Variants in CYP2E1 observed in about 807,000 individuals in gnomAD.
The protein encoded by CYP2E1 is cytochrome P450 family 2 subfamily E member 1, also known as cytochrome P450 2E1.
A neutral mutation model predicts 42.9 loss-of-function variants in CYP2E1; 31 were observed. That is an observed-to-expected ratio of 0.72 (90% CI 0.54 to 0.98). The LOEUF (loss-of-function observed/expected upper bound fraction) is 0.98, where lower values mean the gene tolerates loss of function less well. Among genes scored for constraint, CYP2E1 ranks in the 50% least tolerant of loss-of-function variants. CYP2E1 has a pLI of 0.00. For synonymous variants in CYP2E1, 244 were observed against 248.9 expected, an observed-to-expected ratio of 0.98 and a Z score of 0.19; for missense variants, 565 against 633.2, an observed-to-expected ratio of 0.89 and a Z score of 1.16.
At chr10:133,528,411 G>A in intron 1 of CYP2E1, 70 bp from the exon 2 acceptor site, 8 of 1,568,146 alleles carry the variant, frequency 5.1e-6, no homozygotes, top group South Asian at 1.1e-5. Context: ...CGCCCGGCAG[G>A]GGTGTGGCTT....
Position 133,537,810 on chromosome 10 carries a change from TC to T in CYP2E1, c.1217del (p.Pro406GlnfsTer10). The T allele has an allele frequency of 3.1e-6, 5 of 1,613,778 alleles. No individual in the cohort carries two copies. The highest frequency in any genetic ancestry group is 4.2e-6 in the Non-Finnish European group (5 of 1,179,746). On this transcript the variant is annotated frameshift_variant, in exon 8 of 9. Coordinates refer to ENST00000252945, the MANE Select transcript of CYP2E1 (RefSeq NM_000773.4). LOFTEE classifies it high-confidence loss of function. Reference sequence around the variant, plus strand: ...TGTATGACAACCAAGAATTTCCTGATCCAGAAAAGTTTAAGCCAGAACACTT... The same window carrying T: ...TGTATGACAACCAAGAATTTCCTGATCAGAAAAGTTTAAGCCAGAACACTT... ...VLYDNQEFPDPEKFKPEHFLN... is the reference protein window; with the variant it reads ...VLYDNQEFPDXEKFKPEHFLN...
At chr10:133,536,621 G>GTGGGGGA (rs1851404003) in intron 6 of CYP2E1, among the ~76,000 whole-genome samples, 3 of 10,690 alleles carry the variant, frequency 2.8e-4, no homozygotes, top group Non-Finnish European at 6.6e-4. Flanking sequence ...GGGTGGGTGG[G>GTGGGGGA]TGGATGGATG....
At position 133,539,108 on chromosome 10, in the gene CYP2E1, G is replaced by T. The variant is rs1335855882; in HGVS notation, c.*144G>T. The T allele has an allele frequency of 2.1e-6, 1 of 486,298 alleles. No individual in the cohort carries two copies. 30.1% of individuals were successfully genotyped at this position (486,298 alleles called of 1,614,324 possible). On this transcript the variant is annotated 3_prime_UTR_variant, in exon 9 of 9. Transcript: ENST00000252945. ...CCAGAATATAAATAAATCATCACAT[G>T]ATTATTTTAACTATATGTTAAGTCA...
intron 8 of CYP2E1, 74 bp from the exon 9 acceptor site, chr10:133,538,706 C>G: frequency 7.3e-7 from 1 of 1,364,536 alleles, no homozygotes; most frequent in Admixed American, 1.8e-5. Flanking sequence ...CCCCGCTTCC[C>G]CTAGTCTCAC....
intron 7 of CYP2E1, 166 bp from the exon 8 acceptor site, chr10:133,537,585 C>A: frequency 3.2e-6 from 2 of 634,904 alleles, no homozygotes; most frequent in Non-Finnish European, 5.4e-6. Context: ...TTAGACCTGA[C>A]CCCTGACTGC....
Position 133,531,854 on chromosome 10 carries a change from C to G in CYP2E1, c.487+120C>G, listed in dbSNP as rs28371742. On this transcript the variant is annotated intron_variant, in intron 3 of 8. Transcript: ENST00000252945. ...GGACCTACGGACAAGGAGAGGGTCT[C>G]GTGAGTCCCCAGATACTGCATTTTA... The G allele has an allele frequency of 3.8e-4, 402 of 1,056,260 alleles. 4 individuals carry two copies. The East Asian group carries it at 0.01, about 27-fold the overall frequency. The allele number at this position is 1,056,260 out of a possible 1,614,324, so 65.4% of individuals were successfully genotyped here. A position where few individuals can be genotyped will look rare whatever the true frequency, so the allele number is the denominator to read the frequency against.
At chr10:133,534,792 T>G (rs1564849131) in intron 6 of CYP2E1, among the ~76,000 whole-genome samples, 2 of 152,110 alleles carry the variant, frequency 1.3e-5, no homozygotes, top group Non-Finnish European at 2.9e-5. Context: ...CCCAAGAAAG[T>G]CGACATGTGA....
Position 133,539,049 on chromosome 10 carries a change from C to A in CYP2E1, c.*85C>A. 1 of 1,026,458 alleles carries A rather than the reference C, an allele frequency of 9.7e-7. No individual in the cohort carries two copies. Among genetic ancestry groups the A allele is most frequent in the Non-Finnish European group, 1.4e-6 (1 of 712,996 alleles). The allele number at this position is 1,026,458 out of a possible 1,614,324, so 63.6% of individuals were successfully genotyped here. On this transcript the variant is annotated 3_prime_UTR_variant, in exon 9 of 9. Coordinates refer to ENST00000252945, the MANE Select transcript of CYP2E1 (RefSeq NM_000773.4). The stretch of plus-strand genomic sequence containing the variant: ...CAGGATTTCTCAAACTGATTCCTTT[C>A]TTTGCATATGAGTATTTGAAAATAA...
chr10:133,535,978 G>A (rs886932089), intron 6 of CYP2E1, among the ~76,000 whole-genome samples: 12 of 152,236 alleles, frequency 7.9e-5, no homozygotes, highest in East Asian at 3.9e-4. Context: ...CTCCAAACAC[G>A]GGGAGGCTAG....
At position 133,538,933 on chromosome 10, in the gene CYP2E1, G is replaced by A. The variant is rs55982231; in HGVS notation, c.1451G>A (p.Arg484His). 9.3e-6 allele frequency: 15 copies of A among 1,613,548 alleles called. No homozygotes were observed. The highest frequency in any genetic ancestry group is 5.5e-5 in the South Asian group (5 of 90,988). The change falls in exon 9 of 9, where the codon CGT becomes CAT. Residue 484 changes from arginine to histidine, a missense_variant. Physicochemically the swap from Arg to His is conservative, Grantham distance 29. Transcript: ENST00000252945. ...IHIGFGCIPP[R>H]YKLCVIPRS ...ATTGGGTTTGGCTGTATCCCACCACGTTACAAACTCTGTGTCATTCCCCGC... is the reference window on the plus strand; with the variant it reads ...ATTGGGTTTGGCTGTATCCCACCACATTACAAACTCTGTGTCATTCCCCGC...
chr10:133,537,362 C>A, intron 7 of CYP2E1, 112 bp downstream of exon 7: 1 of 1,121,302 alleles, frequency 8.9e-7, no homozygotes, highest in Non-Finnish European at 1.3e-6. Flanking sequence ...GCAGGGGTCA[C>A]TGAGGGGAAG....
chr10:133,535,408 T>C (rs1395045580), intron 6 of CYP2E1, among the ~76,000 whole-genome samples: 1 of 152,202 alleles, frequency 6.6e-6, no homozygotes, highest in Non-Finnish European at 1.5e-5. Context: ...CAAGTCATCC[T>C]CCTGCCTTGG....
Position 133,532,673 on chromosome 10 carries a change from T to C in CYP2E1, c.649-19T>C. ...TTGCATCCAGAAAAAAGTAGTAAAA[T>C]ATTTTTTTCCCTCTCTAGCTTTACA... On this transcript the variant is annotated intron_variant, in intron 4 of 8. Transcript: ENST00000252945. 1 of 1,555,964 alleles carries C rather than the reference T, an allele frequency of 6.4e-7. No homozygotes were observed. The highest frequency in any genetic ancestry group is 1.2e-5 in the South Asian group (1 of 81,086).
At chr10:133,529,763 C>A (rs1358291016) in intron 2 of CYP2E1, among the ~76,000 whole-genome samples, 2 of 152,228 alleles carry the variant, frequency 1.3e-5, no homozygotes, top group East Asian at 3.9e-4. Flanking sequence ...CTCAGGTTCC[C>A]GCGCCAGGAC....
intron 2 of CYP2E1, among the ~76,000 whole-genome samples, chr10:133,531,002 C>T (rs1851328851): frequency 6.6e-6 from 1 of 152,180 alleles, no homozygotes; most frequent in African/African-American, 2.4e-5. Flanking sequence ...AGGGCAGGGC[C>T]AGGCCTTGAC....
chr10:133,534,048 G>A (rs1415563091), intron 6 of CYP2E1, 151 bp downstream of exon 6: 24 of 873,042 alleles, frequency 2.7e-5, no homozygotes, highest in Non-Finnish European at 4.1e-5. Context: ...GCTGTGAGGG[G>A]AGGTGTTATG....
At chr10:133,532,372 G>A (rs1851349409) in intron 4 of CYP2E1, 88 bp downstream of exon 4, 2 of 1,294,806 alleles carry the variant, frequency 1.5e-6, no homozygotes, top group African/African-American at 1.5e-5. Context: ...GTGATAGACA[G>A]GACTGCAAAA....
chr10:133,530,108 A>G (rs1468109511), intron 2 of CYP2E1, among the ~76,000 whole-genome samples: 4 of 152,090 alleles, frequency 2.6e-5, no homozygotes, highest in Non-Finnish European at 4.4e-5. Context: ...TGGAGGGTCT[A>G]AAGTTTCATT....
rs779674200 is a variant in CYP2E1 at position 133,528,648 on chromosome 10, C to G, written c.337+8C>G. 6 of 1,612,734 alleles carry G rather than the reference C, an allele frequency of 3.7e-6. No individual in the cohort carries two copies. Among genetic ancestry groups the G allele is most frequent in the Non-Finnish European group, 5.1e-6 (6 of 1,179,876 alleles). ...ATGCGCACAGGGACAGGGGTGAGTC[C>G]GCGTCCCTGGCACGGAGCGGGGGGT... On this transcript the variant is annotated splice_region_variant and intron_variant, in intron 2 of 8. Transcript: ENST00000252945.
Sources: gnomAD v4.1 joint callset for allele counts (sites outside exome capture counted in the v4.1 genomes callset) on GRCh38, gnomAD v4.1.1 for gene constraint, MANE v1.5 for transcripts, NCBI Gene and HGNC (gene_info 2026-07-23, HGNC 2026-07-21) for gene names.